The following HDAC5 variants were observed in gnomAD, a reference collection of about 807,000 sequenced individuals.
The protein encoded by HDAC5 is histone deacetylase 5, also known as antigen NY-CO-9.
Under a neutral mutation model 133.3 loss-of-function variants are expected in HDAC5, and 25 were observed. That is an observed-to-expected ratio of 0.19 (90% CI 0.14 to 0.26). The LOEUF is 0.26. HDAC5 is among the 10% of genes least tolerant of loss of function. The pLI, the probability that HDAC5 is intolerant of heterozygous loss-of-function variation, is 1.00. For missense variants in HDAC5, 1,041 were observed against 1,460.5 expected (o/e 0.71, Z 4.68); for synonymous variants, 589 against 610.8 (o/e 0.96, Z 0.53).
chr17:44,080,176 C>T lies in HDAC5; in HGVS notation c.2875G>A (p.Val959Ile). 6.2e-7 allele frequency: 1 copy of T among 1,614,168 alleles called. No homozygotes were observed. The highest frequency in any genetic ancestry group is 1.6e-4 in the Middle Eastern group (1 of 6,062). Residue 959 changes from valine (V) to isoleucine (I), a missense_variant, in exon 23 of 27, where the codon GTC (valine) becomes ATC (isoleucine). Physicochemically the swap from Val to Ile is conservative, Grantham distance 29 (BLOSUM62 3). Transcript: ENST00000682912. ...AHEFSPDVVL[V>I]SAGFDAVEGH... The stretch of plus-strand genomic sequence containing the variant: ...TCAACAGCATCAAACCCGGCGGAGA[C>T]TAGGACCACATCAGGTGAGAACTCG...
chr17:44,110,118 G>A (rs550517672), intron 3 of HDAC5, among the ~76,000 whole-genome samples: 17 of 152,334 alleles, frequency 1.1e-4, no homozygotes, highest in Middle Eastern at 3.4e-3. Context: ...GGAGAGGAGC[G>A]CCATCGGGAG....
Position 44,086,818 on chromosome 17 carries a change from G to A in HDAC5, c.1885-81C>T, listed in dbSNP as rs1040084475. The A allele has an allele frequency of 2.0e-5, 22 of 1,120,348 alleles. No individual in the cohort carries two copies. In the African/African-American group the frequency reaches 2.7e-4, roughly 14 times the overall value. The allele number at this position is 1,120,348 out of a possible 1,614,324, so 69.4% of individuals were successfully genotyped here. A position where few individuals can be genotyped will look rare whatever the true frequency, so the allele number is the denominator to read the frequency against. On this transcript the variant is annotated intron_variant, in intron 13 of 26. Coordinates refer to ENST00000682912, the MANE Select transcript of HDAC5 (RefSeq NM_005474.5). Reference sequence around the variant, plus strand: ...GGCAGGCCCTGTCAGGGCCTCCAGTGGGGCCCCAATCCAGCCCTTTTCTTC... The same window carrying A: ...GGCAGGCCCTGTCAGGGCCTCCAGTAGGGCCCCAATCCAGCCCTTTTCTTC...
At chr17:44,114,650 C>T (rs2052548112) in intron 2 of HDAC5, among the ~76,000 whole-genome samples, 1 of 152,138 alleles carries the variant, frequency 6.6e-6, no homozygotes, top group African/African-American at 2.4e-5. Context: ...TGGGCAATGG[C>T]ACAAAGAGGG....
rs1267572297 is a variant in HDAC5, at chr17:44,117,544, G to A, written c.-29C>T. Reference sequence around the variant, plus strand: ...GGCTCTGGGCCTGCAGGAAGCTGGCGTTGGGGGCTGGGACGGGAGGGGGTG... The same window carrying A: ...GGCTCTGGGCCTGCAGGAAGCTGGCATTGGGGGCTGGGACGGGAGGGGGTG... On this transcript the variant is annotated 5_prime_UTR_variant, in exon 2 of 27. It adds an upstream start codon to the 5' untranslated region. Transcript: ENST00000682912. This position sits in a 1 kb window ranked among gnomAD's most constrained non-coding sequence, Gnocchi z 4.2. 1 of 1,612,824 alleles carries A rather than the reference G, an allele frequency of 6.2e-7. No homozygotes were observed. Among genetic ancestry groups the A allele is most frequent in the African/African-American group, 1.3e-5 (1 of 75,034 alleles).
In HDAC5 at chr17:44,110,726, T is replaced by C; in HGVS notation, c.94+3A>G. ...GGGCAGGCAGGGACATCAAGGCACTTACCTGTCACAGGGATGCTGTGCAGA... is the reference window on the plus strand; with the variant it reads ...GGGCAGGCAGGGACATCAAGGCACTCACCTGTCACAGGGATGCTGTGCAGA... On this transcript the variant is annotated splice_donor_region_variant and intron_variant, in intron 3 of 26. Coordinates refer to ENST00000682912, the MANE Select transcript of HDAC5 (RefSeq NM_005474.5). 2 of 1,613,132 alleles carry C rather than the reference T, an allele frequency of 1.2e-6. No individual in the cohort carries two copies. Among genetic ancestry groups the C allele is most frequent in the Non-Finnish European group, 8.5e-7 (1 of 1,179,398 alleles).
chr17:44,118,653 G>A (rs866239266), intron 1 of HDAC5, among the ~76,000 whole-genome samples: 1 of 152,088 alleles, frequency 6.6e-6, no homozygotes, highest in Non-Finnish European at 1.5e-5. Context: ...ACAGACACCT[G>A]GCCCATCCCT....
chr17:44,106,584 C>A (rs536079075), intron 3 of HDAC5, among the ~76,000 whole-genome samples: 1 of 151,728 alleles, frequency 6.6e-6, no homozygotes, highest in Non-Finnish European at 1.5e-5. Context: ...AAAATCTGCA[C>A]AAAAGAAGCT....
intron 3 of HDAC5, among the ~76,000 whole-genome samples, chr17:44,103,154 T>G (rs1311992566): frequency 6.6e-6 from 1 of 152,072 alleles, no homozygotes; most frequent in African/African-American, 2.4e-5. Flanking sequence ...TGAGGGAGTT[T>G]GGAAGGAGGC....
intron 4 of HDAC5, 27 bp from the exon 5 acceptor site, chr17:44,093,512 A>T: frequency 6.2e-7 from 1 of 1,601,112 alleles, no homozygotes; most frequent in Non-Finnish European, 8.5e-7. Context: ...ACGGAGGCAC[A>T]AGTGAGCCAG....
chr17:44,106,209 G>A (rs1260460653), intron 3 of HDAC5, among the ~76,000 whole-genome samples: 1 of 152,182 alleles, frequency 6.6e-6, no homozygotes, highest in African/African-American at 2.4e-5. Context: ...GGCAGGGGGA[G>A]GGGGACACAG....
In HDAC5 at chr17:44,078,805, G is replaced by T; in HGVS notation, c.3153C>A (p.Ile1051=). ...INAVATLEKV[I]EIQSKHWSCV... ...CGTGTCCTCACGCACTCTGGATCTC[G>T]ATGACTTTCTCTAGCGTGGCCACTG... The change falls in exon 25 of 27, where the codon ATC becomes ATA. Residue 1051 remains isoleucine, a synonymous_variant. Transcript: ENST00000682912. 1 of 1,614,096 alleles carries T rather than the reference G, an allele frequency of 6.2e-7. No homozygotes were observed. Among genetic ancestry groups the T allele is most frequent in the Non-Finnish European group, 8.5e-7 (1 of 1,179,990 alleles).
At chr17:44,100,376 G>A (rs1047563199) in intron 3 of HDAC5, among the ~76,000 whole-genome samples, 2 of 151,854 alleles carry the variant, frequency 1.3e-5, no homozygotes, top group Admixed American at 1.3e-4. Flanking sequence ...GGCACAGTGT[G>A]GACCTGCCTG....
chr17:44,088,382 C>T lies in HDAC5; in HGVS notation c.1599+5G>A, dbSNP rs1402232073. 6.5e-7 allele frequency: 1 copy of T among 1,548,552 alleles called. No individual in the cohort carries two copies. Among genetic ancestry groups the T allele is most frequent in the African/African-American group, 1.4e-5 (1 of 73,142 alleles). On this transcript the variant is annotated splice_donor_5th_base_variant and intron_variant, in intron 12 of 26. Coordinates refer to ENST00000682912, the MANE Select transcript of HDAC5 (RefSeq NM_005474.5). ...GCCCCAGGCCATTCACCTTTCCAGG[C>T]TCACCTTGCCCAGCTGTAGCTGCTG... is the stretch of plus-strand genomic sequence containing the variant.
rs774996601 is a variant in HDAC5, at chr17:44,082,638, C to T, written c.2554G>A (p.Ala852Thr). The T allele has an allele frequency of 9.9e-6, 16 of 1,613,924 alleles. No individual in the cohort carries two copies. The highest frequency in any genetic ancestry group is 5.3e-5 in the African/African-American group (4 of 74,878). The change falls in exon 20 of 27, where the codon GCA (alanine) becomes ACA (threonine). Residue 852 changes from alanine (A) to threonine (T), a missense_variant. Physicochemically the swap from Ala to Thr is moderately conservative, Grantham distance 58. Around this residue, in one of 9 missense-constraint regions of HDAC5, gnomAD observed 174 missense variants for 352.7 expected, o/e 0.49. Coordinates refer to ENST00000682912, the MANE Select transcript of HDAC5 (RefSeq NM_005474.5). ...FCFFNSVAIT[A>T]KLLQQKLNVG... ...TTCAACTTCTGCTGTAGGAGTTTTGCGGTGATGGCTACAGAGTTGAAGAAG... is the reference window on the plus strand; with the variant it reads ...TTCAACTTCTGCTGTAGGAGTTTTGTGGTGATGGCTACAGAGTTGAAGAAG...
At chr17:44,082,409 G>A (rs1597932329) in intron 20 of HDAC5, 176 bp downstream of exon 20, 2 of 602,994 alleles carry the variant, frequency 3.3e-6, no homozygotes, top group African/African-American at 1.8e-5. Flanking sequence ...GTTGGAATGT[G>A]ACGTTAGTCA....
chr17:44,118,257 C>A (rs1002023943), intron 1 of HDAC5, among the ~76,000 whole-genome samples: 2 of 152,222 alleles, frequency 1.3e-5, no homozygotes, highest in African/African-American at 4.8e-5. Flanking sequence ...CAGACCAGGA[C>A]AAGAGCTTCT....
chr17:44,108,951 T>C (rs558896771), intron 3 of HDAC5, among the ~76,000 whole-genome samples: 31 of 151,532 alleles, frequency 2.0e-4, no homozygotes, highest in Non-Finnish European at 4.1e-4. Flanking sequence ...CCAGCCAGCG[T>C]TGGGGGTGGA....
intron 1 of HDAC5, 160 bp downstream of exon 1, chr17:44,123,344 G>A (rs1598060096): frequency 6.0e-6 from 2 of 332,654 alleles, no homozygotes; most frequent in African/African-American, 2.2e-5. Flanking sequence ...ATGCTCCCGG[G>A]GGGCGCCGGC....
intron 3 of HDAC5, among the ~76,000 whole-genome samples, chr17:44,094,754 GTA>G (rs900088175): frequency 2.3e-4 from 32 of 137,114 alleles, no homozygotes; most frequent in Non-Finnish European, 3.1e-4. Context: ...GTATGTGTGT[GTA>G]TATATATATA....
Sources: allele counts gnomAD v4.1 joint callset (sites outside exome capture counted in the v4.1 genomes callset), GRCh38; gene constraint gnomAD v4.1.1; regional missense constraint gnomAD v4.1.1; non-coding constraint Gnocchi (gnomAD v3.1); transcripts MANE v1.5; gene names NCBI Gene and HGNC (gene_info 2026-07-23, HGNC 2026-07-21).